Variants in NKAIN2 observed in about 807,000 individuals in gnomAD.
NKAIN2 encodes the protein sodium/potassium transporting ATPase interacting 2.
NKAIN2 carries 14 observed loss-of-function variants against 32.6 expected under a neutral mutation model. That is an observed-to-expected ratio of 0.43 (90% CI 0.28 to 0.67). The LOEUF is 0.67. Among genes scored for constraint, NKAIN2 ranks in the 30% least tolerant of loss-of-function variants. The pLI is 0.17. For synonymous variants in NKAIN2, 80 were observed against 87.2 expected (o/e 0.92, Z 0.46); for missense variants, 198 against 258.3 (o/e 0.77, Z 1.60).
At chr6:124,322,163 G>C (rs1386819220) in intron 2 of NKAIN2, among the ~76,000 whole-genome samples, 1 of 151,950 alleles carries the variant, frequency 6.6e-6, no homozygotes. Context: ...ATACCTTTTT[G>C]CTTATTAAGA....
chr6:123,829,380 G>A (rs1263154213), intron 1 of NKAIN2: 2 of 152,154 alleles, frequency 1.3e-5, no homozygotes, highest in East Asian at 1.9e-4. Context: ...GTGTTTGTTA[G>A]GATATTCCTA....
intron 1 of NKAIN2, among the ~76,000 whole-genome samples, chr6:124,251,742 G>A (rs1793698559): frequency 6.6e-6 from 1 of 151,966 alleles, no homozygotes; most frequent in South Asian, 2.1e-4. Context: ...AGGATGTGGT[G>A]CAAAGGGACC....
chr6:124,707,457 A>G (rs1775151729), intron 4 of NKAIN2, among the ~76,000 whole-genome samples: 1 of 150,126 alleles, frequency 6.7e-6, no homozygotes, highest in Non-Finnish European at 1.5e-5. Context: ...AGTCCCACCA[A>G]CAGTGTAAAG....
At position 123,831,934 on chromosome 6, in the gene NKAIN2, G is replaced by A. The variant is rs574654375; in HGVS notation, c.54+27680G>A. On this transcript the variant is annotated intron_variant, in intron 1 of 6. Coordinates refer to ENST00000368417, the MANE Select transcript of NKAIN2 (RefSeq NM_001040214.3). ...CTTGCAAAGTGCTGGGATTACAGGC[G>A]TGAGCCACCATGCCTGGCCTATAGT... Among the ~76,000 whole-genome samples, 13 of 152,252 alleles carry A rather than the reference G, an allele frequency of 8.5e-5. No homozygotes were observed. In the East Asian group the frequency reaches 1.4e-3, roughly 16 times the overall value.
intron 4 of NKAIN2, among the ~76,000 whole-genome samples, chr6:124,791,065 A>C (rs963832878): frequency 6.6e-6 from 1 of 152,292 alleles, no homozygotes; most frequent in South Asian, 2.1e-4. Context: ...CTTTTTCTGT[A>C]TTGAAAATAA....
chr6:124,409,104 G>C (rs1196229424), intron 3 of NKAIN2, among the ~76,000 whole-genome samples: 1 of 152,164 alleles, frequency 6.6e-6, no homozygotes, highest in African/African-American at 2.4e-5. Context: ...CTGAGACAAT[G>C]GGGTTTTCTA....
intron 4 of NKAIN2, among the ~76,000 whole-genome samples, chr6:124,712,793 C>T (rs541458025): frequency 3.0e-4 from 46 of 151,890 alleles, no homozygotes; most frequent in Admixed American, 1.1e-3. Context: ...AGCTGTAGAC[C>T]GGAGCTGTTC....
Position 123,822,979 on chromosome 6 carries a change from C to T in NKAIN2, c.54+18725C>T, listed in dbSNP as rs535872393. Reference sequence around the variant, plus strand: ...AGTTTAAATTTTATGTGATAAGTAACGTACAGCCAGGATAAATTCCTTATT... The same window carrying T: ...AGTTTAAATTTTATGTGATAAGTAATGTACAGCCAGGATAAATTCCTTATT... On this transcript the variant is annotated intron_variant, in intron 1 of 6. Transcript: ENST00000368417. Among the ~76,000 whole-genome samples, 16 of 145,822 alleles carry T rather than the reference C, an allele frequency of 1.1e-4. No individual in the cohort carries two copies. In the East Asian group the frequency reaches 2.2e-3, roughly 20 times the overall value.
intron 5 of NKAIN2, among the ~76,000 whole-genome samples, chr6:124,815,225 C>CATATATATATACATAT (rs1554268824): frequency 7.3e-6 from 1 of 136,998 alleles, no homozygotes; most frequent in Non-Finnish European, 1.6e-5. Flanking sequence ...TATATATATA[C>CATATATATATACATAT]ATATATATAT....
At chr6:124,802,021 A>C (rs890368564) in intron 5 of NKAIN2, among the ~76,000 whole-genome samples, 3 of 152,184 alleles carry the variant, frequency 2.0e-5, no homozygotes, top group Admixed American at 6.5e-5. Context: ...TAACCATGGG[A>C]CATTCTCTTT....
chr6:124,256,885 GTTTT>G (rs568654193), intron 1 of NKAIN2, among the ~76,000 whole-genome samples: 141 of 75,918 alleles, frequency 1.9e-3, no homozygotes, highest in African/African-American at 6.0e-3. Context: ...GCTTTCTGTT[GTTTT>G]TTTTTTTTTT....
intron 1 of NKAIN2, among the ~76,000 whole-genome samples, chr6:124,230,832 C>A (rs1792409062): frequency 1.3e-5 from 2 of 152,004 alleles, no homozygotes; most frequent in African/African-American, 4.8e-5. Flanking sequence ...TCATGGAGAA[C>A]CTGTTCTAGG....
At chr6:124,327,263 C>T (rs1797454156) in intron 2 of NKAIN2, among the ~76,000 whole-genome samples, 1 of 152,062 alleles carries the variant, frequency 6.6e-6, no homozygotes, top group African/African-American at 2.4e-5. Flanking sequence ...AGCTACATCT[C>T]AAGTGTGAGC....
chr6:124,700,179 T>C (rs1774706388), intron 4 of NKAIN2, among the ~76,000 whole-genome samples: 2 of 152,164 alleles, frequency 1.3e-5, no homozygotes, highest in African/African-American at 4.8e-5. Flanking sequence ...ACTCTAATTA[T>C]TGTTCTACAC....
intron 3 of NKAIN2, among the ~76,000 whole-genome samples, chr6:124,610,244 G>C (rs1217086476): frequency 6.6e-6 from 1 of 151,930 alleles, no homozygotes; most frequent in East Asian, 1.9e-4. Flanking sequence ...GCTACTCAGG[G>C]GCACAAACAA....
chr6:124,759,620 CA>C, intron 4 of NKAIN2, among the ~76,000 whole-genome samples: 1 of 133,214 alleles, frequency 7.5e-6, no homozygotes, highest in African/African-American at 2.7e-5. Context: ...CACACACACA[CA>C]CACACACACA....
chr6:123,949,283 A>C (rs996530064), intron 1 of NKAIN2, among the ~76,000 whole-genome samples: 14 of 151,916 alleles, frequency 9.2e-5, no homozygotes, highest in Admixed American at 3.9e-4. Context: ...TTGGCTATGC[A>C]GGGTCTTTTT....
intron 3 of NKAIN2, among the ~76,000 whole-genome samples, chr6:124,434,500 G>A (rs574087170): frequency 1.3e-5 from 2 of 152,122 alleles, no homozygotes; most frequent in South Asian, 2.1e-4. Flanking sequence ...TGTAATCTTT[G>A]GAATGTTAGT....
At chr6:124,822,700 G>A (rs1190708727) in intron 6 of NKAIN2, among the ~76,000 whole-genome samples, 1 of 151,932 alleles carries the variant, frequency 6.6e-6, no homozygotes, top group Non-Finnish European at 1.5e-5. Flanking sequence ...ACATGTTGTT[G>A]AAACAAATCA....
Sources: gnomAD v4.1 joint callset for allele counts (sites outside exome capture counted in the v4.1 genomes callset) on GRCh38, gnomAD v4.1.1 for gene constraint, MANE v1.5 for transcripts, NCBI Gene and HGNC (gene_info 2026-07-23, HGNC 2026-07-21) for gene names.